Variants in NELL2 observed in about 807,000 individuals in gnomAD.
NELL2 encodes the protein protein kinase C-binding protein NELL2.
Under a neutral mutation model 109.6 loss-of-function variants are expected in NELL2, and 41 were observed. That is an observed-to-expected ratio of 0.37 (90% CI 0.29 to 0.49). The LOEUF is 0.49. Among genes scored for constraint, NELL2 ranks in the 20% least tolerant of loss-of-function variants. The pLI is 0.98. For missense variants in NELL2, 900 were observed against 1,008.3 expected, an observed-to-expected ratio of 0.89 and a Z score of 1.45; for synonymous variants, 355 against 344.7, an observed-to-expected ratio of 1.03 and a Z score of -0.33.
At chr12:44,879,049 A>T (rs992207800), upstream of NELL2, among the ~76,000 whole-genome samples, 1 of 152,202 alleles carries the variant, frequency 6.6e-6, no homozygotes, top group Admixed American at 6.5e-5. Context: ...TTAAATGTGG[A>T]AGAAGGAGGC....
intron 15 of NELL2, among the ~76,000 whole-genome samples, chr12:44,603,050 A>C (rs1309426294): frequency 1.2e-4 from 18 of 152,136 alleles, no homozygotes; most frequent in Admixed American, 1.2e-3. Flanking sequence ...TGTAGGCCTC[A>C]TGCTTCATTT....
intron 9 of NELL2, among the ~76,000 whole-genome samples, chr12:44,751,082 T>C (rs1198191243): frequency 6.6e-6 from 1 of 152,122 alleles, no homozygotes; most frequent in African/African-American, 2.4e-5. Flanking sequence ...AAAGAATTCA[T>C]TGAATGCTTA....
intron 2 of NELL2, among the ~76,000 whole-genome samples, chr12:44,847,709 GA>G (rs1453759996): frequency 6.6e-6 from 1 of 151,974 alleles, no homozygotes; most frequent in Non-Finnish European, 1.5e-5. Flanking sequence ...AAAGAGAAGA[GA>G]TTTTTTTTTC....
intron 1 of NELL2, 52 bp downstream of exon 1, chr12:44,875,763 C>G: frequency 1.2e-6 from 2 of 1,611,930 alleles, no homozygotes; most frequent in Non-Finnish European, 1.7e-6. Context: ...GCCCATGCTG[C>G]CCCGAGGCGG....
In NELL2 at chr12:44,693,518, G is replaced by A. The variant is rs116850458; in HGVS notation, c.1318+10208C>T. ...GCTTTGTATGAGAAACCACGCCTAA[G>A]AAGAAATTTAGAACGGTTTCATCTT... is the stretch of plus-strand genomic sequence containing the variant. On this transcript the variant is annotated intron_variant, in intron 12 of 19. Coordinates refer to ENST00000429094, the MANE Select transcript of NELL2 (RefSeq NM_001145108.2). Among the ~76,000 whole-genome samples the A allele has an allele frequency of 1.2e-3, 184 of 152,250 alleles. 3 individuals are homozygous for A. In the East Asian group the frequency reaches 0.026, roughly 22 times the overall value.
intron 2 of NELL2, among the ~76,000 whole-genome samples, chr12:44,835,252 G>A (rs528383428): frequency 3.4e-4 from 52 of 152,266 alleles, no homozygotes; most frequent in African/African-American, 1.1e-3. Flanking sequence ...CTCGCCCGAC[G>A]TGCTCCAAGG....
At chr12:44,612,264 T>A (rs1340027393) in intron 13 of NELL2, among the ~76,000 whole-genome samples, 1 of 152,060 alleles carries the variant, frequency 6.6e-6, no homozygotes, top group Non-Finnish European at 1.5e-5. Context: ...ATAAAAATTG[T>A]CATTTTGCTA....
intron 2 of NELL2, among the ~76,000 whole-genome samples, chr12:44,863,765 C>T (rs200865630): frequency 6.6e-6 from 1 of 152,058 alleles, no homozygotes; most frequent in Admixed American, 6.6e-5. Context: ...TCAGAATACT[C>T]AAATACTATA....
intron 15 of NELL2, among the ~76,000 whole-genome samples, chr12:44,570,501 C>T (rs930944784): frequency 6.6e-6 from 1 of 152,100 alleles, no homozygotes; most frequent in Non-Finnish European, 1.5e-5. Context: ...CTTAATTAAG[C>T]ATGATAAATT....
chr12:44,771,346 TAAA>T (rs80288426), intron 9 of NELL2, among the ~76,000 whole-genome samples: 93 of 143,966 alleles, frequency 6.5e-4, no homozygotes, highest in Non-Finnish European at 1.0e-3. Flanking sequence ...ATGGTTTTTT[TAAA>T]AAAAAAAAAG....
chr12:44,775,870 A>G, intron 8 of NELL2, 152 bp downstream of exon 8: 1 of 753,712 alleles, frequency 1.3e-6, no homozygotes, highest in South Asian at 2.0e-5. Flanking sequence ...AATGCAACAC[A>G]GTTCTTTAGA....
chr12:44,736,112 G>T (rs931677573), intron 9 of NELL2, among the ~76,000 whole-genome samples: 28 of 143,780 alleles, frequency 1.9e-4, no homozygotes, highest in African/African-American at 7.0e-4. Context: ...CCGGGTTCAC[G>T]CCATTCTCCT....
intron 2 of NELL2, among the ~76,000 whole-genome samples, chr12:44,817,965 G>A (rs940731815): frequency 1.4e-4 from 22 of 152,258 alleles, no homozygotes; most frequent in Admixed American, 2.6e-4. Context: ...CCAAGTTAAC[G>A]AAGTCAGACT....
chr12:44,524,708 C>T (rs1941688850), intron 16 of NELL2, among the ~76,000 whole-genome samples: 1 of 151,972 alleles, frequency 6.6e-6, no homozygotes, highest in South Asian at 2.1e-4. Context: ...TATTAGTTCC[C>T]ACTTCAACAA....
chr12:44,736,193 T>C (rs1325825762), intron 9 of NELL2, among the ~76,000 whole-genome samples: 2 of 151,774 alleles, frequency 1.3e-5, no homozygotes, highest in Non-Finnish European at 2.9e-5. Flanking sequence ...GTATTTTTAG[T>C]AGAGACGGGG....
intron 2 of NELL2, among the ~76,000 whole-genome samples, chr12:44,822,387 A>G (rs575977688): frequency 6.6e-6 from 1 of 152,350 alleles, no homozygotes; most frequent in Admixed American, 6.5e-5. Context: ...CAGCCACAAA[A>G]TATCAGTTTC....
intron 12 of NELL2, among the ~76,000 whole-genome samples, chr12:44,695,436 G>A (rs1380815359): frequency 6.6e-6 from 1 of 152,140 alleles, no homozygotes; most frequent in Non-Finnish European, 1.5e-5. Flanking sequence ...ACTGGCTCAT[G>A]CCTGTGATCC....
At chr12:44,559,918 A>G (rs1339912250) in intron 15 of NELL2, among the ~76,000 whole-genome samples, 2 of 152,208 alleles carry the variant, frequency 1.3e-5, no homozygotes, top group Non-Finnish European at 1.5e-5. Flanking sequence ...AATTGACCAC[A>G]TAACTGGAAG....
At chr12:44,913,649 C>T (rs527881839) in intron 1 of NELL2, 31 of 366,672 alleles carry the variant, frequency 8.5e-5, no homozygotes, top group Middle Eastern at 7.7e-4. Flanking sequence ...CTATAAAATT[C>T]GTAAACGTTA....
Sources: gnomAD v4.1 joint callset for allele counts (sites outside exome capture counted in the v4.1 genomes callset) on GRCh38, gnomAD v4.1.1 for gene constraint, MANE v1.5 for transcripts, NCBI Gene and HGNC (gene_info 2026-07-23, HGNC 2026-07-21) for gene names.